FAM234A: variants seen among roughly 807,000 people sequenced by gnomAD.
FAM234A encodes the protein protein FAM234A.
A neutral mutation model predicts 49.1 loss-of-function variants in FAM234A; 42 were observed. The ratio of observed to expected loss-of-function variants is 0.86; its 90% CI spans 0.67 to 1.11. The LOEUF is 1.11. Ranked by LOEUF, FAM234A falls within the 50% of genes least tolerant of loss-of-function variation. FAM234A has a pLI of 0.00. For synonymous variants in FAM234A, 369 were observed against 316.2 expected, an observed-to-expected ratio of 1.17 and a Z score of -1.77; for missense variants, 815 against 745.2, an observed-to-expected ratio of 1.09 and a Z score of -1.09.
Position 261,566 on chromosome 16 carries a change from G to A in FAM234A, c.708+52G>A, listed in dbSNP as rs2051468304. 3.9e-6 allele frequency: 6 copies of A among 1,524,508 alleles called. No homozygotes were observed. In the South Asian group the frequency reaches 6.0e-5, roughly 15 times the overall value. The allele number at this position is 1,524,508 out of a possible 1,614,324, so 94.4% of individuals were successfully genotyped here. ...AAGTCACGAGGCCACCTGCCACACG[G>A]CCCTGCTCTACCTCCCCATCTGCTG... On this transcript the variant is annotated intron_variant, in intron 6 of 12. Transcript: ENST00000399932.
intron 1 of FAM234A, among the ~76,000 whole-genome samples, chr16:237,918 C>G (rs56007737): frequency 0.23 from 35,202 of 151,574 alleles, 4,331 homozygotes; most frequent in African/African-American, 0.3. Context: ...TGGCTGGGCT[C>G]GTCTCAAACT....
intron 2 of FAM234A, among the ~76,000 whole-genome samples, chr16:253,588 C>A (rs923076807): frequency 6.6e-6 from 1 of 152,010 alleles, no homozygotes; most frequent in Non-Finnish European, 1.5e-5. Flanking sequence ...CATTCTCCAG[C>A]CTCAGCCTCC....
At chr16:244,024 A>T (rs192433550) in intron 1 of FAM234A, among the ~76,000 whole-genome samples, 150 of 150,918 alleles carry the variant, frequency 9.9e-4, no homozygotes, top group African/African-American at 3.0e-3. Flanking sequence ...GCTGGAGTGC[A>T]GTGGTGCCAT....
chr16:253,248 A>G (rs2051092932), intron 2 of FAM234A, among the ~76,000 whole-genome samples: 1 of 152,042 alleles, frequency 6.6e-6, no homozygotes, highest in South Asian at 2.1e-4. Flanking sequence ...GGGGAAGGAG[A>G]GGGCATGTTT....
At chr16:244,328 G>GTAAC (rs1341240691) in intron 1 of FAM234A, among the ~76,000 whole-genome samples, 1 of 152,208 alleles carries the variant, frequency 6.6e-6, no homozygotes, top group Non-Finnish European at 1.5e-5. Flanking sequence ...ATGGAGAATT[G>GTAAC]TAACATGCCA....
rs997568258 is a variant in FAM234A at position 247,438 on chromosome 16, A to ATT, written c.-139-2100_-139-2099dup. Among the ~76,000 whole-genome samples, 42 of 145,258 alleles carry ATT rather than the reference A, an allele frequency of 2.9e-4. No individual in the cohort carries two copies. In the East Asian group the frequency reaches 8.2e-3, roughly 28 times the overall value. On this transcript the variant is annotated intron_variant, in intron 1 of 12. Transcript: ENST00000399932. ...GACAACACTCCCAGCCTTATTAATG[A>ATT]TTTTTTTTTTTTAAGAGAAGTCTTG...
Position 264,064 on chromosome 16 carries a change from C to T in FAM234A, c.1237C>T (p.Leu413Phe). 3 of 1,613,196 alleles carry T rather than the reference C, an allele frequency of 1.9e-6. No homozygotes were observed. Among genetic ancestry groups the T allele is most frequent in the Non-Finnish European group, 2.5e-6 (3 of 1,180,002 alleles). ...GTGAVLCSLA[L>F]PSLPGGPLSA... ...TGGAGCCGTCCTGTGTAGCCTAGCC[C>T]TCCCGAGCCTCCCTGGGGGTCCACT... Residue 413 changes from leucine to phenylalanine, a missense_variant, in exon 11 of 13, where the codon CTC (leucine) becomes TTC (phenylalanine). Coordinates refer to ENST00000399932, the MANE Select transcript of FAM234A (RefSeq NM_032039.4).
chr16:251,677 A>G (rs1596793579), intron 2 of FAM234A, among the ~76,000 whole-genome samples: 1 of 91,424 alleles, frequency 1.1e-5, no homozygotes. Context: ...ATGCCTAGCC[A>G]GGTTTTTTTT....
intron 1 of FAM234A, among the ~76,000 whole-genome samples, chr16:247,235 ACCCT>A (rs2050843533): frequency 6.7e-6 from 1 of 150,072 alleles, no homozygotes; most frequent in South Asian, 2.1e-4. Flanking sequence ...GCTTCAAGTG[ACCCT>A]CCCACCTCAG....
At chr16:258,173 T>TA (rs60766134) in intron 3 of FAM234A, among the ~76,000 whole-genome samples, 1 of 149,696 alleles carries the variant, frequency 6.7e-6, no homozygotes, top group African/African-American at 2.4e-5. Context: ...TTTTTTTTTT[T>TA]ATTGATCATT....
Position 264,872 on chromosome 16 carries a change from A to G in FAM234A, c.1509A>G (p.Ser503=), listed in dbSNP as rs1218682116. ...TCCTTCTGACAGGCCCGGCAGACTC[A>G]GAGGCACCCGGCCTGGTCTCTGTGA... ...AYILLTGPAD[S]EAPGLVSVIK... is the part of the protein sequence containing the mutation. The change falls in exon 13 of 13, where the codon TCA becomes TCG. Residue 503 remains serine (S), a synonymous_variant. Coordinates refer to ENST00000399932, the MANE Select transcript of FAM234A (RefSeq NM_032039.4). 1.2e-6 allele frequency: 2 copies of G among 1,612,600 alleles called. No individual in the cohort carries two copies. Among genetic ancestry groups the G allele is most frequent in the East Asian group, 4.5e-5 (2 of 44,878 alleles).
chr16:239,648 G>T (rs1247079604), intron 1 of FAM234A, among the ~76,000 whole-genome samples: 1 of 151,892 alleles, frequency 6.6e-6, no homozygotes, highest in Non-Finnish European at 1.5e-5. Context: ...ACTAATTTGT[G>T]GGGGAGTTGC....
chr16:244,455 C>T (rs2050733664), intron 1 of FAM234A, among the ~76,000 whole-genome samples: 1 of 152,162 alleles, frequency 6.6e-6, no homozygotes, highest in African/African-American at 2.4e-5. Context: ...AAAATAGCTT[C>T]ATATTAAGGT....
rs1029216453 is a variant in FAM234A at position 259,662 on chromosome 16, T to A, written c.385+63T>A. ...TAGAAAGAGGAATCGTCATTTTGGGTCACCCTCTCGCTTTCAGTGTTTGGG... is the reference window on the plus strand; with the variant it reads ...TAGAAAGAGGAATCGTCATTTTGGGACACCCTCTCGCTTTCAGTGTTTGGG... On this transcript the variant is annotated intron_variant, in intron 4 of 12. Coordinates refer to ENST00000399932, the MANE Select transcript of FAM234A (RefSeq NM_032039.4). 7 of 1,053,538 alleles carry A rather than the reference T, an allele frequency of 6.6e-6. No homozygotes were observed. In the African/African-American group the frequency reaches 1.1e-4, roughly 17 times the overall value. The allele number at this position is 1,053,538 out of a possible 1,614,324, so 65.3% of individuals were successfully genotyped here. A position where few individuals can be genotyped will look rare whatever the true frequency, so the allele number is the denominator to read the frequency against.
At chr16:242,815 T>C (rs1193171402) in intron 1 of FAM234A, among the ~76,000 whole-genome samples, 1 of 152,104 alleles carries the variant, frequency 6.6e-6, no homozygotes, top group Non-Finnish European at 1.5e-5. Context: ...AGTTTCACCA[T>C]GTTGGCCAAA....
intron 9 of FAM234A, 142 bp downstream of exon 9, chr16:263,544 G>T (rs1035861980): frequency 2.2e-6 from 3 of 1,337,266 alleles, no homozygotes; most frequent in Non-Finnish European, 2.1e-6. Context: ...CCTGTCTCTG[G>T]TACTTGCCCC....
chr16:268,686 C>T (rs550288128), downstream of FAM234A: 37 of 1,372,794 alleles, frequency 2.7e-5, no homozygotes, highest in East Asian at 1.8e-4. Flanking sequence ...AATTCTGGAA[C>T]GCGTTTGGCG....
In FAM234A at chr16:265,066, A is replaced by G; in HGVS notation, c.*44A>G. 1 of 1,550,822 alleles carries G rather than the reference A, an allele frequency of 6.4e-7. No individual in the cohort carries two copies. Among genetic ancestry groups the G allele is most frequent in the Non-Finnish European group, 8.7e-7 (1 of 1,146,750 alleles). ...CTGTGGAGAGACTCCGCCTGCTGACACTAAACGTCCTGGGAAGTGGGCCCT... is the reference window on the plus strand; with the variant it reads ...CTGTGGAGAGACTCCGCCTGCTGACGCTAAACGTCCTGGGAAGTGGGCCCT... On this transcript the variant is annotated 3_prime_UTR_variant, in exon 13 of 13. Transcript: ENST00000399932.
rs371268175 is a variant in FAM234A, at chr16:265,988, C to T, written c.*966C>T. ...CCAAGGGCAGCCATGGTGCTCTGTA[C>T]TGCTCGGGCCGCCCAGGTCACAGAG... On this transcript the variant is annotated 3_prime_UTR_variant, in exon 13 of 13. Coordinates refer to ENST00000399932, the MANE Select transcript of FAM234A (RefSeq NM_032039.4). The T allele has an allele frequency of 6.1e-6, 6 of 985,986 alleles. No individual in the cohort carries two copies. In the East Asian group the frequency reaches 5.7e-4, roughly 93 times the overall value. 61.1% of individuals were successfully genotyped at this position (985,986 alleles called of 1,614,324 possible).
Sources: gnomAD v4.1 joint callset for allele counts (sites outside exome capture counted in the v4.1 genomes callset) on GRCh38, gnomAD v4.1.1 for gene constraint, MANE v1.5 for transcripts, NCBI Gene and HGNC (gene_info 2026-07-23, HGNC 2026-07-21) for gene names.